The following EPS8 variants were observed in gnomAD, a reference collection of about 807,000 sequenced individuals.
EPS8 encodes epidermal growth factor receptor kinase substrate 8.
EPS8 carries 42 observed loss-of-function variants against 103.8 expected under a neutral mutation model. The observed-to-expected ratio is 0.40, with a 90% confidence interval of 0.32 to 0.52. EPS8 has a LOEUF of 0.52. EPS8 is among the 20% of genes least tolerant of loss of function. The pLI is 0.40. For synonymous variants in EPS8, 344 were observed against 344.6 expected, an observed-to-expected ratio of 1.00 and a Z score of 0.02; for missense variants, 969 against 1,005.1, an observed-to-expected ratio of 0.96 and a Z score of 0.49.
At chr12:15,662,343 T>C in intron 8 of EPS8, 1 of 1,227,334 alleles carries the variant, frequency 8.1e-7, no homozygotes, top group African/African-American at 1.5e-5. Context: ...TACCTTGTAA[T>C]ATCACCCCAT....
At position 15,757,969 on chromosome 12, in the gene EPS8, G is replaced by T. The variant is rs572845389; in HGVS notation, c.-22+31192C>A. 6.6e-6 allele frequency among the ~76,000 whole-genome samples: 1 copy of T among 152,146 alleles called. No individual in the cohort carries two copies. The highest frequency in any genetic ancestry group is 1.5e-5 in the Non-Finnish European group (1 of 68,038). On this transcript the variant is annotated intron_variant, in intron 1 of 20. Transcript: ENST00000281172. The surrounding 1 kb of genome is among the most constrained non-coding windows in gnomAD (Gnocchi z 4.1). ...TCAACTGGAAAACTCAAAAGCCAGC[G>T]GTTGGAATCATCTGAAGGCCTATTC...
intron 1 of EPS8, among the ~76,000 whole-genome samples, chr12:15,729,554 C>A (rs897584601): frequency 2.0e-5 from 3 of 152,160 alleles, no homozygotes; most frequent in African/African-American, 7.2e-5. Context: ...TCAAAGGAAT[C>A]AAAGGCATTC....
chr12:15,674,156 T>C (rs1184923151), intron 3 of EPS8, among the ~76,000 whole-genome samples: 1 of 152,208 alleles, frequency 6.6e-6, no homozygotes, highest in African/African-American at 2.4e-5. Context: ...TTACACTTAA[T>C]TCCCTTTCAC....
chr12:15,653,655 C>T (rs941782807), intron 13 of EPS8, among the ~76,000 whole-genome samples: 5 of 152,196 alleles, frequency 3.3e-5, no homozygotes, highest in South Asian at 2.1e-4. Context: ...CTACATGGCA[C>T]GAGTTCACAT....
intron 3 of EPS8, among the ~76,000 whole-genome samples, chr12:15,676,341 C>G (rs1945907549): frequency 6.6e-6 from 1 of 151,036 alleles, no homozygotes; most frequent in Non-Finnish European, 1.5e-5. Flanking sequence ...TATCTAGTTT[C>G]CCAGCCTACA....
At chr12:15,634,642 A>G in intron 17 of EPS8, 1 of 397,940 alleles carries the variant, frequency 2.5e-6, no homozygotes, top group Non-Finnish European at 4.4e-6. Context: ...AGTGAAAACT[A>G]AGCACAGCTG....
Position 15,706,904 on chromosome 12 carries a change from G to C in EPS8, c.-21-23932C>G, listed in dbSNP as rs1946394241. Among the ~76,000 whole-genome samples, 1 of 152,026 alleles carries C rather than the reference G, an allele frequency of 6.6e-6. No homozygotes were observed. The highest frequency in any genetic ancestry group is 2.1e-4 in the South Asian group (1 of 4,826). ...TATTTGATATCTAGTTAGCAAGCCAGACAAGCTTACATTTCAGTCCTTATT... is the reference window on the plus strand; with the variant it reads ...TATTTGATATCTAGTTAGCAAGCCACACAAGCTTACATTTCAGTCCTTATT... On this transcript the variant is annotated intron_variant, in intron 1 of 20. Coordinates refer to ENST00000281172, the MANE Select transcript of EPS8 (RefSeq NM_004447.6). This position sits in a 1 kb window ranked among gnomAD's most constrained non-coding sequence, Gnocchi z 5.2.
chr12:15,631,645 C>T lies in EPS8; in HGVS notation c.1841G>A (p.Gly614Asp), dbSNP rs375830629. The change falls in exon 18 of 21, where the codon GGC (glycine) becomes GAC (aspartate). Residue 614 changes from glycine (G) to aspartate (D), a missense_variant. Gly to Asp is a moderately conservative substitution (Grantham distance 94, BLOSUM62 -1). Transcript: ENST00000281172. ...HTIQKQRMEY[G>D]PRPADTPPAP... ...AGGGGGAGTATCAGCTGGTCTTGGG[C>T]CATACTCCATCCTTTGTTTCTATAA... The T allele has an allele frequency of 6.2e-7, 1 of 1,612,922 alleles. No individual in the cohort carries two copies. The highest frequency in any genetic ancestry group is 8.5e-7 in the Non-Finnish European group (1 of 1,179,412).
intron 18 of EPS8, among the ~76,000 whole-genome samples, chr12:15,629,235 A>C (rs1945001571): frequency 1.3e-5 from 2 of 152,192 alleles, no homozygotes; most frequent in East Asian, 1.9e-4. Context: ...CCTCTTTCCC[A>C]CTAGGTTATT....
At chr12:15,659,207 C>T (rs968284375) in intron 10 of EPS8, among the ~76,000 whole-genome samples, 4 of 151,962 alleles carry the variant, frequency 2.6e-5, no homozygotes, top group Non-Finnish European at 4.4e-5. Flanking sequence ...ATTTCCAGGG[C>T]GAACAGTTGT....
intron 1 of EPS8, chr12:15,683,823 T>A (rs993303444): frequency 6.6e-6 from 1 of 152,188 alleles, no homozygotes; most frequent in Non-Finnish European, 1.5e-5. Context: ...CTCTCCGGGT[T>A]TGTGTCACTA....
In EPS8 at chr12:15,787,086, T is replaced by C. The variant is rs1221002375; in HGVS notation, c.-22+2075A>G. 6.6e-6 allele frequency among the ~76,000 whole-genome samples: 1 copy of C among 152,178 alleles called. No individual in the cohort carries two copies. Among genetic ancestry groups the C allele is most frequent in the Non-Finnish European group, 1.5e-5 (1 of 67,994 alleles). ...TATTCATCCAATAGAACTTCAAGTA[T>C]TTAAAGAGACAACTTTTAAAAACCT... On this transcript the variant is annotated intron_variant, in intron 1 of 20. Coordinates refer to ENST00000281172, the MANE Select transcript of EPS8 (RefSeq NM_004447.6). The surrounding 1 kb of genome is among the most constrained non-coding windows in gnomAD (Gnocchi z 4.9).
intron 1 of EPS8, among the ~76,000 whole-genome samples, chr12:15,766,980 T>G (rs1048757917): frequency 6.6e-6 from 1 of 152,138 alleles, no homozygotes; most frequent in Non-Finnish European, 1.5e-5. Flanking sequence ...TTTCACAAAT[T>G]CCACAAGCCA....
chr12:15,742,055 A>G (rs138476272), intron 1 of EPS8, among the ~76,000 whole-genome samples: 4,094 of 152,196 alleles, frequency 0.027, 178 homozygotes, highest in African/African-American at 0.094. Flanking sequence ...ATCCTTTTTT[A>G]TGGCTGCATA....
rs188613109 is a variant in EPS8, at chr12:15,654,167, C to T, written c.1228G>A (p.Gly410Arg). The change falls in exon 13 of 21, where the codon GGA (glycine) becomes AGA (arginine). Residue 410 changes from glycine to arginine, a missense_variant. Physicochemically the swap from Gly to Arg is moderately radical, Grantham distance 125. Transcript: ENST00000281172. ...TACCTGGCTTTCATCCAAGTTCCTC[C>T]CAATGACATCCACAGCTGCCGTTCA... The part of the protein sequence containing the change: ...GDERQLWMSL[G>R]GTWMKARAEW... 25 of 1,613,752 alleles carry T rather than the reference C, an allele frequency of 1.5e-5. 1 individual carries two copies. The highest frequency in any genetic ancestry group is 1.5e-4 in the Admixed American group (9 of 59,974).
intron 1 of EPS8, among the ~76,000 whole-genome samples, chr12:15,708,485 G>A (rs1946418071): frequency 6.6e-6 from 1 of 152,090 alleles, no homozygotes; most frequent in East Asian, 1.9e-4. Context: ...AAATTGGAGG[G>A]GAAATTATAA....
At chr12:15,694,934 T>G (rs1433706830) in intron 1 of EPS8, among the ~76,000 whole-genome samples, 2 of 152,152 alleles carry the variant, frequency 1.3e-5, no homozygotes, top group Non-Finnish European at 1.5e-5. Context: ...CACCCACGAA[T>G]GAGGTAAATT....
rs1191338649 is a variant in EPS8, at chr12:15,779,773, T to C, written c.-22+9388A>G. ...TTCTCCCCTTATATTAAAAACACAA[T>C]TTTTCAATTATAGAACTCTGATCTC... On this transcript the variant is annotated intron_variant, in intron 1 of 20. Transcript: ENST00000281172. This position sits in a 1 kb window ranked among gnomAD's most constrained non-coding sequence, Gnocchi z 4.3. Among the ~76,000 whole-genome samples the C allele has an allele frequency of 6.6e-6, 1 of 152,208 alleles. No individual in the cohort carries two copies. The highest frequency in any genetic ancestry group is 1.5e-5 in the Non-Finnish European group (1 of 68,036).
At position 15,733,043 on chromosome 12, in the gene EPS8, A is replaced by C. The variant is rs1424442529; in HGVS notation, c.-21-50071T>G. Among the ~76,000 whole-genome samples, 4 of 152,194 alleles carry C rather than the reference A, an allele frequency of 2.6e-5. No homozygotes were observed. The highest frequency in any genetic ancestry group is 5.9e-5 in the Non-Finnish European group (4 of 68,030). On this transcript the variant is annotated intron_variant, in intron 1 of 20. Transcript: ENST00000281172. This position sits in a 1 kb window ranked among gnomAD's most constrained non-coding sequence, Gnocchi z 4.8. Reference sequence around the variant, plus strand: ...CTAAATAATGGAGTACATGGAGATGATTTTACTAGCAGCTGACCAGCATTC... The same window carrying C: ...CTAAATAATGGAGTACATGGAGATGCTTTTACTAGCAGCTGACCAGCATTC...
Sources: gnomAD v4.1 joint callset for allele counts (sites outside exome capture counted in the v4.1 genomes callset) on GRCh38, gnomAD v4.1.1 for gene constraint, Gnocchi (gnomAD v3.1) non-coding constraint, MANE v1.5 for transcripts, NCBI Gene and HGNC (gene_info 2026-07-23, HGNC 2026-07-21) for gene names.